SGK3: variants seen among roughly 807,000 people sequenced by gnomAD.
SGK3 encodes the protein serum/glucocorticoid regulated kinase family member 3.
In SGK3, 47 loss-of-function variants were observed where a neutral mutation model predicts 68.5. That is an observed-to-expected ratio of 0.69 (90% CI 0.54 to 0.87). SGK3 has a LOEUF of 0.87. Ranked by LOEUF, SGK3 falls within the 40% of genes least tolerant of loss-of-function variation. The pLI, the probability that SGK3 is intolerant of heterozygous loss-of-function variation, is 0.00. For missense variants in SGK3, 479 were observed against 575.5 expected (o/e 0.83, Z 1.72); for synonymous variants, 181 against 189.1 (o/e 0.96, Z 0.35).
At chr8:66,795,531 G>A (rs778387420) in intron 2 of SGK3, among the ~76,000 whole-genome samples, 3 of 152,016 alleles carry the variant, frequency 2.0e-5, no homozygotes, top group South Asian at 2.1e-4. Context: ...TTCTTTTCTC[G>A]AGGGGATACC....
intron 4 of SGK3, among the ~76,000 whole-genome samples, chr8:66,804,837 G>A (rs981218180): frequency 9.2e-5 from 14 of 151,994 alleles, no homozygotes; most frequent in South Asian, 2.1e-4. Flanking sequence ...ACCTGTAATC[G>A]AAACACTTTG....
At chr8:66,819,024 G>A (rs1808706376) in intron 5 of SGK3, among the ~76,000 whole-genome samples, 1 of 152,212 alleles carries the variant, frequency 6.6e-6, no homozygotes, top group African/African-American at 2.4e-5. Context: ...CCATCAGCAT[G>A]TGAAATCACG....
intron 5 of SGK3, among the ~76,000 whole-genome samples, chr8:66,819,223 T>G (rs1443142980): frequency 6.6e-6 from 1 of 152,202 alleles, no homozygotes; most frequent in Non-Finnish European, 1.5e-5. Context: ...AAATGTAACA[T>G]TTAATGCTAA....
In SGK3 at chr8:66,723,105, A is replaced by T. The variant is rs1481171174; in HGVS notation, c.-122+10272A>T. On this transcript the variant is annotated intron_variant, in intron 1 of 16. Coordinates refer to ENST00000521198, the MANE Select transcript of SGK3 (RefSeq NM_001033578.3). ...AGATTTTGTTCATATATATATATATATATATATATATATATATATATATAT... is the reference window on the plus strand; with the variant it reads ...AGATTTTGTTCATATATATATATATTTATATATATATATATATATATATAT... Among the ~76,000 whole-genome samples the T allele has an allele frequency of 1.4e-4, 5 of 35,696 alleles. No homozygotes were observed. In the Admixed American group the frequency reaches 1.5e-3, roughly 11 times the overall value. 23.4% of individuals were successfully genotyped at this position (35,696 alleles called of 152,430 possible).
intron 1 of SGK3, among the ~76,000 whole-genome samples, chr8:66,764,237 AT>A (rs1012367480): frequency 2.6e-4 from 39 of 149,940 alleles, no homozygotes; most frequent in South Asian, 2.5e-3. Context: ...TTTTTTTATA[AT>A]TTTTTTTTTA....
chr8:66,845,209 T>C (rs932047084), intron 14 of SGK3, among the ~76,000 whole-genome samples: 10 of 152,020 alleles, frequency 6.6e-5, no homozygotes, highest in African/African-American at 2.4e-4. Flanking sequence ...GACCAGCCTG[T>C]CCAACATGGC....
chr8:66,833,377 A>C (rs943257852), intron 8 of SGK3, among the ~76,000 whole-genome samples: 3 of 152,064 alleles, frequency 2.0e-5, no homozygotes, highest in Admixed American at 6.6e-5. Flanking sequence ...TCATTGGCCT[A>C]TCTGTTTATC....
chr8:66,761,930 C>G (rs1806176955), intron 1 of SGK3, among the ~76,000 whole-genome samples: 1 of 152,134 alleles, frequency 6.6e-6, no homozygotes, highest in South Asian at 2.1e-4. Flanking sequence ...TATTGCACTC[C>G]CCTGCCCCTA....
rs34910747 is a variant in SGK3 at position 66,806,195 on chromosome 8, C to CT, written c.253+1756dup. On this transcript the variant is annotated intron_variant, in intron 4 of 16. Coordinates refer to ENST00000521198, the MANE Select transcript of SGK3 (RefSeq NM_001033578.3). ...GAGTTTTTTTTTTCTCTCTTTCTTT[C>CT]TTTTTTTTCCCCCCTTGGGAGTATA... is the stretch of plus-strand genomic sequence containing the variant. Among the ~76,000 whole-genome samples the CT allele has an allele frequency of 2.1e-3, 319 of 150,802 alleles. 1 individual carries two copies. Among genetic ancestry groups the CT allele is most frequent in the African/African-American group, 7.3e-3 (299 of 41,038 alleles).
intron 1 of SGK3, among the ~76,000 whole-genome samples, chr8:66,723,113 ATATATATATATATATATATTTTTTTT>A (rs1804857868): frequency 1.2e-4 from 6 of 49,118 alleles, no homozygotes; most frequent in African/African-American, 5.3e-4. Flanking sequence ...ATATATATAT[ATATATATATATATATATATTTTTTTT>A]TTTTTTTTTT....
At chr8:66,805,534 AAAAG>A (rs1193870018) in intron 4 of SGK3, among the ~76,000 whole-genome samples, 1 of 151,892 alleles carries the variant, frequency 6.6e-6, no homozygotes, top group Non-Finnish European at 1.5e-5. Flanking sequence ...AAAAAAAAAA[AAAAG>A]AGAGAGGGAC....
At chr8:66,813,954 A>G (rs1256571183) in intron 5 of SGK3, 26 bp downstream of exon 5, 2 of 1,548,508 alleles carry the variant, frequency 1.3e-6, no homozygotes, top group Non-Finnish European at 1.7e-6. Flanking sequence ...TGCGTTCTAA[A>G]GGGACATTAA....
chr8:66,718,517 A>C (rs1804708679), intron 1 of SGK3, among the ~76,000 whole-genome samples: 2 of 151,062 alleles, frequency 1.3e-5, no homozygotes, highest in Admixed American at 6.6e-5. Flanking sequence ...ACACGTATGT[A>C]GTTTTTGTTT....
At chr8:66,760,352 T>A (rs1806124751) in intron 1 of SGK3, among the ~76,000 whole-genome samples, 1 of 146,902 alleles carries the variant, frequency 6.8e-6, no homozygotes. Flanking sequence ...TTTTTTTTTT[T>A]GAGACGGAGT....
At chr8:66,761,365 G>T (rs541035021) in intron 1 of SGK3, among the ~76,000 whole-genome samples, 3 of 152,278 alleles carry the variant, frequency 2.0e-5, no homozygotes, top group African/African-American at 7.2e-5. Flanking sequence ...CAAGAAATGT[G>T]GTTTCACTGC....
intron 1 of SGK3, among the ~76,000 whole-genome samples, chr8:66,772,276 CGG>C (rs1451268246): frequency 1.3e-5 from 2 of 148,226 alleles, no homozygotes; most frequent in Non-Finnish European, 3.0e-5. Context: ...TTTATAGAGA[CGG>C]AGTCTCTCTG....
chr8:66,764,748 G>A (rs922280598), intron 1 of SGK3, among the ~76,000 whole-genome samples: 5 of 152,174 alleles, frequency 3.3e-5, no homozygotes, highest in Non-Finnish European at 7.3e-5. Flanking sequence ...TTTCTATGGA[G>A]CTAAGTGTCT....
chr8:66,796,321 A>AT (rs71249408), intron 2 of SGK3, among the ~76,000 whole-genome samples: 21,089 of 41,004 alleles, frequency 0.51, 8,277 homozygotes, highest in Non-Finnish European at 0.64. Flanking sequence ...TATTTTTTGT[A>AT]TTTTTTTTTT....
chr8:66,734,039 T>C (rs1294229076), intron 1 of SGK3, among the ~76,000 whole-genome samples: 2 of 148,648 alleles, frequency 1.3e-5, no homozygotes, highest in Non-Finnish European at 2.9e-5. Flanking sequence ...TTGCAAAAGT[T>C]CTAAAATGTA....
Sources: gnomAD v4.1 joint callset for allele counts (sites outside exome capture counted in the v4.1 genomes callset) on GRCh38, gnomAD v4.1.1 for gene constraint, MANE v1.5 for transcripts, NCBI Gene and HGNC (gene_info 2026-07-23, HGNC 2026-07-21) for gene names.